The following TTN variants were observed in gnomAD, a reference collection of about 807,000 sequenced individuals.
TTN encodes titin.
In TTN, 1,525 loss-of-function variants were observed where a neutral mutation model predicts 3,223.0. The ratio of observed to expected loss-of-function variants is 0.47; its 90% confidence interval spans 0.45 to 0.49. TTN has a LOEUF of 0.49. Among genes scored for constraint, TTN ranks in the 20% least tolerant of loss-of-function variants. The pLI is 0.00. For synonymous variants in TTN, 14,094 were observed against 15,161.0 expected (o/e 0.93, Z 5.17); for missense variants, 40,786 against 43,424.0 (o/e 0.94, Z 5.40).
chr2:178,772,618 G>T (rs918136177), intron 33 of TTN, among the ~76,000 whole-genome samples: 1 of 152,140 alleles, frequency 6.6e-6, no homozygotes, highest in Non-Finnish European at 1.5e-5. Context: ...AGGCACAAAG[G>T]CTAAAGAAGC....
intron 312 of TTN, 50 bp downstream of exon 312, chr2:178,583,557 C>T: frequency 2.8e-6 from 4 of 1,445,088 alleles, no homozygotes; most frequent in South Asian, 1.6e-5. Flanking sequence ...GAAAAATGAC[C>T]ATCATGAATG....
intron 1 of TTN, among the ~76,000 whole-genome samples, chr2:178,806,293 TA>T (rs773817350): frequency 3.9e-5 from 6 of 152,210 alleles, no homozygotes; most frequent in Non-Finnish European, 7.4e-5. Flanking sequence ...TTAGTATATC[TA>T]AAAATAGCTG....
At chr2:178,691,675 T>C (rs1280670719) in intron 121 of TTN, among the ~76,000 whole-genome samples, 1 of 152,176 alleles carries the variant, frequency 6.6e-6, no homozygotes, top group East Asian at 1.9e-4. Flanking sequence ...AAAAGTTACA[T>C]TTATGAAGGA....
chr2:178,673,699 T>A lies in TTN; in HGVS notation c.34720A>T (p.Ile11574Phe). 6.3e-7 allele frequency: 1 copy of A among 1,588,594 alleles called. No individual in the cohort carries two copies. The highest frequency in any genetic ancestry group is 8.5e-7 in the Non-Finnish European group (1 of 1,170,770). Residue 11574 changes from isoleucine (I) to phenylalanine (F), a missense_variant, in exon 152 of 363, where the codon ATT becomes TTT. By Grantham distance (21) the Ile-to-Phe change is conservative (BLOSUM62 0). Transcript: ENST00000589042. ...EVAPPRVPEV[I>F]KKAVPEAPTP... ...GGTGCTTCAGGTACTGCTTTCTTAA[T>A]CACTTCAGGCACTTAAAAGAAATTT...
In TTN at chr2:178,751,783, A is replaced by G. The variant is rs200284932; in HGVS notation, c.11311+1341T>C. 707 of 1,613,206 alleles carry G rather than the reference A, an allele frequency of 4.4e-4. 3 individuals carry two copies. The highest frequency in any genetic ancestry group is 6.6e-4 in the Middle Eastern group (4 of 6,054). On this transcript the variant is annotated intron_variant, in intron 47 of 362. Transcript: ENST00000589042. Reference sequence around the variant, plus strand: ...GACCTGTTGGGATGGGCCGATTGTTATGAAACCAAGTCATTTCTGGAGTTG... The same window carrying G: ...GACCTGTTGGGATGGGCCGATTGTTGTGAAACCAAGTCATTTCTGGAGTTG...
chr2:178,769,634 A>G, intron 37 of TTN, 45 bp downstream of exon 37: 3 of 1,319,744 alleles, frequency 2.3e-6, no homozygotes, highest in Non-Finnish European at 3.0e-6. Context: ...AATATTTGAT[A>G]TTTTATATAT....
intron 258 of TTN, 75 bp from the exon 259 acceptor site, chr2:178,615,559 C>T (rs1028977248): frequency 1.2e-6 from 2 of 1,609,344 alleles, no homozygotes; most frequent in Non-Finnish European, 1.7e-6. Flanking sequence ...CAACCCCTGC[C>T]TTGCCCCATA....
At chr2:178,800,726 C>A in intron 3 of TTN, 44 bp from the exon 4 acceptor site, 1 of 1,567,492 alleles carries the variant, frequency 6.4e-7, no homozygotes, top group Non-Finnish European at 8.6e-7. Context: ...AGCCAGGGTG[C>A]TCCCTACAAG....
chr2:178,732,002 G>A (rs768007612), intron 57 of TTN, 31 bp from the exon 58 acceptor site: 13 of 1,591,998 alleles, frequency 8.2e-6, no homozygotes, highest in Non-Finnish European at 1.1e-5. Flanking sequence ...TTTGCATTAA[G>A]GGAGGAGGGG....
chr2:178,573,964 G>A lies in TTN; in HGVS notation c.72168C>T (p.Arg24056=). ...TGCTCCATTCCATTGTTGGAGGTGG[G>A]CGGCCTGAAACATCAGCTTCCAGTC... is the stretch of plus-strand genomic sequence containing the variant. ...AFRLEADVSG[R]PPPTMEWSKD... is the part of the protein sequence containing the mutation. The change falls in exon 326 of 363, where the codon CGC becomes CGT. Residue 24056 remains arginine, a synonymous_variant. Transcript: ENST00000589042. 1 of 1,613,354 alleles carries A rather than the reference G, an allele frequency of 6.2e-7. No homozygotes were observed. The highest frequency in any genetic ancestry group is 8.5e-7 in the Non-Finnish European group (1 of 1,179,604).
Position 178,604,261 on chromosome 2 carries a change from C to G in TTN, c.54426G>C (p.Arg18142Ser), listed in dbSNP as rs1455326648. 6.4e-7 allele frequency: 1 copy of G among 1,564,096 alleles called. No homozygotes were observed. The highest frequency in any genetic ancestry group is 8.7e-7 in the Non-Finnish European group (1 of 1,153,234). The change falls in exon 282 of 363, where the codon AGG becomes AGC. Residue 18142 changes from arginine to serine, a missense_variant. Coordinates refer to ENST00000589042, the MANE Select transcript of TTN (RefSeq NM_001267550.2). ...CACTGATTCCATATTTATTCACTGCCCTGACTCGGAACTCATACTGACCAT... is the reference window on the plus strand; with the variant it reads ...CACTGATTCCATATTTATTCACTGCGCTGACTCGGAACTCATACTGACCAT... ...IPNGQYEFRV[R>S]AVNKYGISDE...
rs765216874 is a variant in TTN at position 178,608,769 on chromosome 2, G to A, written c.52242C>T (p.Pro17414=). 1.2e-5 allele frequency: 19 copies of A among 1,612,410 alleles called. No homozygotes were observed. Among genetic ancestry groups the A allele is most frequent in the African/African-American group, 4.0e-5 (3 of 74,818 alleles). ...AAGTGACAACAATCCATTCTGAGTCGGGTTTTGTCTTGTCTTTCTTTTCCA... is the reference window on the plus strand; with the variant it reads ...AAGTGACAACAATCCATTCTGAGTCAGGTTTTGTCTTGTCTTTCTTTTCCA... The part of the protein sequence containing the change: ...YTLEKKDKTK[P]DSEWIVVTST... Residue 17414 remains proline, a synonymous_variant, in exon 274 of 363, where the codon CCC becomes CCT. Transcript: ENST00000589042.
At chr2:178,637,614 C>T (rs2060669755) in intron 223 of TTN, among the ~76,000 whole-genome samples, 195 bp from the exon 224 acceptor site, 1 of 152,054 alleles carries the variant, frequency 6.6e-6, no homozygotes, top group Non-Finnish European at 1.5e-5. Context: ...TCAAGCTAAA[C>T]TGCCAACATA....
At position 178,789,433 on chromosome 2, in the gene TTN, T is replaced by C; in HGVS notation, c.2003A>G (p.Glu668Gly). ...TIAVATAKAK[E>G]QETILRTRET... is the part of the protein sequence containing the mutation. ...TCTAGTTCTCAGTATTGTTTCTTGTTCTTTGGCTTTAGCAGTAGCAACTGC... is the reference window on the plus strand; with the variant it reads ...TCTAGTTCTCAGTATTGTTTCTTGTCCTTTGGCTTTAGCAGTAGCAACTGC... The change falls in exon 13 of 363, where the codon GAA (glutamate) becomes GGA (glycine). Residue 668 changes from glutamate (E) to glycine (G), a missense_variant. Transcript: ENST00000589042. 6.2e-7 allele frequency: 1 copy of C among 1,613,622 alleles called. No homozygotes were observed. Among genetic ancestry groups the C allele is most frequent in the African/African-American group, 1.3e-5 (1 of 75,028 alleles).
At position 178,614,914 on chromosome 2, in the gene TTN, G is replaced by A. The variant is rs2154202895; in HGVS notation, c.48693C>T (p.Ala16231=). 4 of 1,590,812 alleles carry A rather than the reference G, an allele frequency of 2.5e-6. No individual in the cohort carries two copies. The highest frequency in any genetic ancestry group is 1.1e-5 in the South Asian group (1 of 87,770). ...EGKWYAYRVK[A]LNRQGASKPS... ...GTTTGCTAGCACCCTGCCTGTTTAA[G>A]GCCTTCACGCGGTAGGCATACCATT... Residue 16231 remains alanine (A), a synonymous_variant, in exon 260 of 363, where the codon GCC becomes GCT. Coordinates refer to ENST00000589042, the MANE Select transcript of TTN (RefSeq NM_001267550.2).
rs1369119712 is a variant in TTN, at chr2:178,712,373, G to A, written c.27549C>T (p.Asn9183=). 6.2e-7 allele frequency: 1 copy of A among 1,613,822 alleles called. No homozygotes were observed. Among genetic ancestry groups the A allele is most frequent in the East Asian group, 2.2e-5 (1 of 44,872 alleles). ...SSTVEDAGQY[N]CYIENASGKD... ...TTCCAGAGGCATTTTCAATGTAGCA[G>A]TTGTATTGTCCTGCATCCTCTACTG... The change falls in exon 95 of 363, where the codon AAC becomes AAT. Residue 9183 remains asparagine, a synonymous_variant. Transcript: ENST00000589042.
rs377480514 is a variant in TTN at position 178,588,138 on chromosome 2, T to A, written c.63269A>T (p.Tyr21090Phe). ...SITLGWGKPV[Y>F]DGGAPIIGYV... ...TCCAATGATCGGTGCACCACCATCA[T>A]AGACTGGTTTTCCCCACCCAAGAGT... The change falls in exon 305 of 363, where the codon TAT becomes TTT. Residue 21090 changes from tyrosine (Y) to phenylalanine (F), a missense_variant. Tyr to Phe is a conservative substitution (Grantham distance 22). Transcript: ENST00000589042. 21 of 1,611,608 alleles carry A rather than the reference T, an allele frequency of 1.3e-5. No homozygotes were observed. The highest frequency in any genetic ancestry group is 1.8e-5 in the Non-Finnish European group (21 of 1,178,230).
intron 294 of TTN, among the ~76,000 whole-genome samples, chr2:178,596,291 C>T (rs1456684762): frequency 1.3e-5 from 2 of 151,900 alleles, no homozygotes; most frequent in Non-Finnish European, 2.9e-5. Context: ...GCATCAAGCC[C>T]CATATTTGTT....
In TTN at chr2:178,530,871, C is replaced by G; in HGVS notation, c.105744G>C (p.Lys35248Asn). Residue 35248 changes from lysine to asparagine, a missense_variant, in exon 358 of 363, where the codon AAG becomes AAC. By Grantham distance (94) the Lys-to-Asn change is moderately conservative (BLOSUM62 0). Transcript: ENST00000589042. ...CTGGAGATTTCACTCGTTTTGGAGA[C>G]TTAACTGCTTCTGGGGATTTCACCC... ...EPRVKSPEAVKSPKRVKSPEP... is the reference protein window; with the variant it reads ...EPRVKSPEAVNSPKRVKSPEP... 6.2e-7 allele frequency: 1 copy of G among 1,613,642 alleles called. No homozygotes were observed. The highest frequency in any genetic ancestry group is 8.5e-7 in the Non-Finnish European group (1 of 1,179,834).
Sources: allele counts gnomAD v4.1 joint callset (sites outside exome capture counted in the v4.1 genomes callset), GRCh38; gene constraint gnomAD v4.1.1; transcripts MANE v1.5; gene names NCBI Gene and HGNC (gene_info 2026-07-23, HGNC 2026-07-21).